LGI1: variants seen among roughly 807,000 people sequenced by gnomAD.
The protein encoded by LGI1 is leucine rich glioma inactivated 1, also known as leucine-rich glioma-inactivated protein 1.
Under a neutral mutation model 57.7 loss-of-function variants are expected in LGI1, and 11 were observed. That is an observed-to-expected ratio of 0.19 (90% CI 0.12 to 0.32). The LOEUF (loss-of-function observed/expected upper bound fraction) is 0.32, where lower values mean the gene tolerates loss of function less well. LGI1 is among the 10% of genes least tolerant of loss of function. LGI1 has a pLI of 1.00. For missense variants in LGI1, 422 were observed against 661.9 expected, an observed-to-expected ratio of 0.64 and a Z score of 3.98; for synonymous variants, 222 against 241.9, an observed-to-expected ratio of 0.92 and a Z score of 0.76.
At chr10:93,774,732 T>G (rs758755325) in intron 2 of LGI1, among the ~76,000 whole-genome samples, 1 of 152,122 alleles carries the variant, frequency 6.6e-6, no homozygotes, top group Non-Finnish European at 1.5e-5. Context: ...CTGTTTTTTG[T>G]GTAGGTGGGG....
In LGI1 at chr10:93,779,870, G is replaced by A. The variant is rs183402765; in HGVS notation, c.431+2253G>A. On this transcript the variant is annotated intron_variant, in intron 4 of 7. Coordinates refer to ENST00000371418, the MANE Select transcript of LGI1 (RefSeq NM_005097.4). The stretch of plus-strand genomic sequence containing the variant: ...GGTAGGAAGGTGTTATGAGGGAACA[G>A]GGGTTAAGGCTGTGGCTAAATGAAT... Among the ~76,000 whole-genome samples, 7 of 152,330 alleles carry A rather than the reference G, an allele frequency of 4.6e-5. No homozygotes were observed. In the South Asian group the frequency reaches 1.0e-3, roughly 23 times the overall value.
At position 93,777,582 on chromosome 10, in the gene LGI1, A is replaced by T. The variant is rs2059805959; in HGVS notation, c.396A>T (p.Arg132Ser). Residue 132 changes from arginine (R) to serine (S), a missense_variant, in exon 4 of 8, where the codon AGA becomes AGT. Physicochemically the swap from Arg to Ser is moderately radical, Grantham distance 110. Transcript: ENST00000371418. ...ACAACAACATCAAGTCAATTTCAAG[A>T]CATACTTTCCGGGGACTAAAGTCAT... The part of the protein sequence containing the change: ...IENNNIKSIS[R>S]HTFRGLKSLI... 6.2e-7 allele frequency: 1 copy of T among 1,613,536 alleles called. No individual in the cohort carries two copies. Among genetic ancestry groups the T allele is most frequent in the African/African-American group, 1.3e-5 (1 of 74,912 alleles).
intron 2 of LGI1, among the ~76,000 whole-genome samples, chr10:93,775,675 C>A (rs542055715): frequency 6.6e-6 from 1 of 152,148 alleles, no homozygotes; most frequent in African/African-American, 2.4e-5. Flanking sequence ...CTTTTCTTCC[C>A]GTGACGTGCA....
rs986437659 is a variant in LGI1 at position 93,792,616 on chromosome 10, G to A, written c.504-127G>A. 1.8e-5 allele frequency: 17 copies of A among 927,166 alleles called. No individual in the cohort carries two copies. The African/African-American group carries it at 2.4e-4, about 13-fold the overall frequency. 57.4% of individuals were successfully genotyped at this position (927,166 alleles called of 1,614,324 possible). A position where few individuals can be genotyped will look rare whatever the true frequency, so the allele number is the denominator to read the frequency against. ...TGAATGAGTGGTCAGTCAGGTTCCA[G>A]GCAGGTTATAGGGCAGGATGCAACG... On this transcript the variant is annotated intron_variant, in intron 5 of 7. Transcript: ENST00000371418.
chr10:93,777,467 T>G lies in LGI1; in HGVS notation c.359+17T>G. The stretch of plus-strand genomic sequence containing the variant: ...AGAGTATTTGTAAGTAAAAAAGCTT[T>G]TTTAAAACATGATGATTCAGGACAA... On this transcript the variant is annotated intron_variant, in intron 3 of 7. Coordinates refer to ENST00000371418, the MANE Select transcript of LGI1 (RefSeq NM_005097.4). 6.2e-7 allele frequency: 1 copy of G among 1,612,854 alleles called. No individual in the cohort carries two copies. The highest frequency in any genetic ancestry group is 1.7e-5 in the Admixed American group (1 of 60,016).
At position 93,777,389 on chromosome 10, in the gene LGI1, T is replaced by G; in HGVS notation, c.298T>G (p.Ser100Ala). ...ACTTTTTCTGGGCAGGTTATTCACA[T>G]CGAACTCCTTTGATGTGATCAGTGA... The part of the protein sequence containing the change: ...TPSLQLLLFT[S>A]NSFDVISDDA... The change falls in exon 3 of 8, where the codon TCG becomes GCG. Residue 100 changes from serine (S) to alanine (A), a missense_variant. Physicochemically the swap from Ser to Ala is moderately conservative, Grantham distance 99. Transcript: ENST00000371418. The G allele has an allele frequency of 1.9e-6, 3 of 1,614,042 alleles. No homozygotes were observed. The highest frequency in any genetic ancestry group is 2.5e-6 in the Non-Finnish European group (3 of 1,179,892).
intron 7 of LGI1, among the ~76,000 whole-genome samples, chr10:93,795,317 T>C (rs1217090324): frequency 3.3e-5 from 5 of 152,186 alleles, no homozygotes; most frequent in African/African-American, 7.2e-5. Flanking sequence ...GGGAACTCCA[T>C]GATCAAGGCA....
chr10:93,785,141 A>G (rs2059885068), intron 4 of LGI1, among the ~76,000 whole-genome samples: 1 of 152,192 alleles, frequency 6.6e-6, no homozygotes, highest in Non-Finnish European at 1.5e-5. Context: ...GGGACTTTTA[A>G]GAATACCAAT....
In LGI1 at chr10:93,786,288, C is replaced by T. The variant is rs1184456358; in HGVS notation, c.432-3811C>T. Among the ~76,000 whole-genome samples the T allele has an allele frequency of 2.1e-4, 10 of 47,182 alleles. 3 individuals carry two copies. The highest frequency in any genetic ancestry group is 3.0e-4 in the African/African-American group (10 of 33,816). 31.0% of individuals were successfully genotyped at this position (47,182 alleles called of 152,430 possible). On this transcript the variant is annotated intron_variant, in intron 4 of 7. Transcript: ENST00000371418. ...TCTAACCCTGTAGGTAGCTTTGGAA[C>T]TTGACAAATGCAGCCAAACGATTGA...
At chr10:93,774,005 G>A (rs2059767688) in intron 2 of LGI1, among the ~76,000 whole-genome samples, 1 of 152,170 alleles carries the variant, frequency 6.6e-6, no homozygotes, top group African/African-American at 2.4e-5. Context: ...TGCTGCTGTT[G>A]TGAGGATAGT....
chr10:93,794,764 C>T (rs1160196748), intron 7 of LGI1: 1 of 152,070 alleles, frequency 6.6e-6, no homozygotes, highest in African/African-American at 2.4e-5. Flanking sequence ...TTTTTAATAT[C>T]AGTTTTAGCT....
intron 5 of LGI1, 114 bp from the exon 6 acceptor site, chr10:93,792,629 G>T: frequency 9.3e-7 from 1 of 1,069,842 alleles, no homozygotes; most frequent in Non-Finnish European, 1.5e-6. Context: ...AGGTTATAGG[G>T]CAGGATGCAA....
chr10:93,793,337 TGAC>T lies in LGI1; in HGVS notation c.826_828del (p.Asp276del). 6.2e-7 allele frequency: 1 copy of T among 1,613,854 alleles called. No individual in the cohort carries two copies. The highest frequency in any genetic ancestry group is 8.5e-7 in the Non-Finnish European group (1 of 1,179,772). On this transcript the variant is annotated inframe_deletion, in exon 7 of 8. Coordinates refer to ENST00000371418, the MANE Select transcript of LGI1 (RefSeq NM_005097.4). Reference sequence around the variant, plus strand: ...ATGTGGAAAAGACCTTCCGGAATTATGACAACATTACAGGTATGAAAAGCCTAA... The same window carrying T: ...ATGTGGAAAAGACCTTCCGGAATTATAACATTACAGGTATGAAAAGCCTAA...
intron 4 of LGI1, among the ~76,000 whole-genome samples, chr10:93,787,517 T>C (rs2059900862): frequency 6.6e-6 from 1 of 152,204 alleles, no homozygotes; most frequent in Admixed American, 6.5e-5. Context: ...AGCTCTGTTT[T>C]GCCATCTGTT....
chr10:93,767,054 A>G (rs1370181133), intron 2 of LGI1: 1 of 152,206 alleles, frequency 6.6e-6, no homozygotes, highest in Admixed American at 6.5e-5. Flanking sequence ...CCCCTCTCAA[A>G]GGGTCAACCT....
chr10:93,759,776 G>C (rs769823872), intron 2 of LGI1, among the ~76,000 whole-genome samples: 2 of 152,070 alleles, frequency 1.3e-5, no homozygotes, highest in Non-Finnish European at 2.9e-5. Context: ...TGCCTTACTT[G>C]GCCATTTTGG....
At position 93,793,269 on chromosome 10, in the gene LGI1, G is replaced by T; in HGVS notation, c.757G>T (p.Ala253Ser). Residue 253 changes from alanine to serine, a missense_variant, in exon 7 of 8, where the codon GCT becomes TCT. Ala to Ser is a moderately conservative substitution (Grantham distance 99). This residue lies in a region of LGI1 where 301 missense variants were observed against 461.7 expected (regional missense o/e 0.65). Coordinates refer to ENST00000371418, the MANE Select transcript of LGI1 (RefSeq NM_005097.4). Reference protein sequence around the residue: ...SYLNDEYVVIAQPFTGKCIFL... With the variant: ...SYLNDEYVVISQPFTGKCIFL... Reference sequence around the variant, plus strand: ...TTTGAATGATGAGTATGTAGTCATCGCTCAGCCTTTTACTGGAAAATGCAT... The same window carrying T: ...TTTGAATGATGAGTATGTAGTCATCTCTCAGCCTTTTACTGGAAAATGCAT... The T allele has an allele frequency of 1.9e-6, 3 of 1,611,512 alleles. No individual in the cohort carries two copies. The highest frequency in any genetic ancestry group is 2.5e-6 in the Non-Finnish European group (3 of 1,177,764).
intron 4 of LGI1, among the ~76,000 whole-genome samples, chr10:93,783,239 G>A (rs1031195348): frequency 3.3e-5 from 5 of 152,128 alleles, no homozygotes. Context: ...AGCTGGGCGT[G>A]GTGGCGGGCG....
At chr10:93,763,679 G>A (rs1483275260) in intron 2 of LGI1, 3 of 152,158 alleles carry the variant, frequency 2.0e-5, no homozygotes, top group Non-Finnish European at 2.9e-5. Flanking sequence ...AAAAAAACTC[G>A]AGGAGATATT....
Sources: gnomAD v4.1 joint callset for allele counts (sites outside exome capture counted in the v4.1 genomes callset) on GRCh38, gnomAD v4.1.1 for gene constraint, gnomAD v4.1.1 regional missense constraint, MANE v1.5 for transcripts, NCBI Gene and HGNC (gene_info 2026-07-23, HGNC 2026-07-21) for gene names.